The following NPAS3 variants were observed in gnomAD, a reference collection of about 807,000 sequenced individuals.
NPAS3 encodes the protein neuronal PAS domain protein 3.
Under a neutral mutation model 73.1 loss-of-function variants are expected in NPAS3, and 14 were observed. The ratio of observed to expected loss-of-function variants is 0.19; its 90% CI spans 0.13 to 0.30. The LOEUF (loss-of-function observed/expected upper bound fraction) is 0.30, where lower values mean the gene tolerates loss of function less well. Ranked by LOEUF, NPAS3 falls within the 10% of genes least tolerant of loss-of-function variation. The pLI, the probability that NPAS3 is intolerant of heterozygous loss-of-function variation, is 1.00. For missense variants in NPAS3, 1,096 were observed against 1,250.0 expected (o/e 0.88, Z 1.86); for synonymous variants, 620 against 541.5 (o/e 1.14, Z -2.01).
intron 6 of NPAS3, among the ~76,000 whole-genome samples, chr14:33,695,825 C>A (rs185950013): frequency 6.6e-6 from 1 of 152,078 alleles, no homozygotes; most frequent in Non-Finnish European, 1.5e-5. Flanking sequence ...TTCAAAATGA[C>A]CTAAAACTTT....
At chr14:33,213,423 T>G (rs2047109843) in intron 2 of NPAS3, among the ~76,000 whole-genome samples, 1 of 152,238 alleles carries the variant, frequency 6.6e-6, no homozygotes, top group African/African-American at 2.4e-5. Context: ...AAGTTACTTT[T>G]ATTCTGTAAA....
chr14:33,735,134 A>C, intron 6 of NPAS3, 80 bp from the exon 7 acceptor site: 1 of 940,292 alleles, frequency 1.1e-6, no homozygotes, highest in Non-Finnish European at 1.7e-6. Context: ...TAGTGAACTC[A>C]AGGATTGCAC....
At chr14:33,168,084 G>A (rs758653133) in intron 2 of NPAS3, among the ~76,000 whole-genome samples, 10 of 151,628 alleles carry the variant, frequency 6.6e-5, no homozygotes, top group Non-Finnish European at 1.2e-4. Flanking sequence ...ACTGATTTCC[G>A]GGCTCTCTGA....
chr14:33,339,297 A>G (rs778308424), intron 3 of NPAS3, among the ~76,000 whole-genome samples: 20 of 152,168 alleles, frequency 1.3e-4, no homozygotes, highest in Non-Finnish European at 2.9e-4. Context: ...GATGACAATT[A>G]TAGGACCTTA....
intron 1 of NPAS3, among the ~76,000 whole-genome samples, chr14:32,980,858 T>C (rs949842770): frequency 3.3e-5 from 5 of 152,196 alleles, no homozygotes; most frequent in Non-Finnish European, 7.3e-5. Context: ...TCTTGAAAGA[T>C]GATACAGGCC....
At chr14:33,683,002 C>T (rs2059982332) in intron 6 of NPAS3, among the ~76,000 whole-genome samples, 1 of 152,144 alleles carries the variant, frequency 6.6e-6, no homozygotes, top group Admixed American at 6.5e-5. Flanking sequence ...CCCTTTTGTT[C>T]CCAGAGAAGA....
At chr14:33,646,472 T>G (rs2140210006) in intron 5 of NPAS3, among the ~76,000 whole-genome samples, 1 of 152,304 alleles carries the variant, frequency 6.6e-6, no homozygotes, top group South Asian at 2.1e-4. Context: ...ATCAAAATAA[T>G]GTAGTCATAG....
At chr14:33,581,866 G>T (rs2056678053) in intron 5 of NPAS3, among the ~76,000 whole-genome samples, 1 of 152,160 alleles carries the variant, frequency 6.6e-6, no homozygotes, top group African/African-American at 2.4e-5. Flanking sequence ...GAGCCACCAT[G>T]CCCAGCCACC....
At chr14:33,746,913 G>T (rs1467343655) in intron 7 of NPAS3, among the ~76,000 whole-genome samples, 1 of 106,744 alleles carries the variant, frequency 9.4e-6, no homozygotes, top group Non-Finnish European at 1.8e-5. Context: ...CCCCACCACA[G>T]TCCCCAGAGT....
chr14:33,520,889 CTAGA>C (rs1228175419), intron 4 of NPAS3, among the ~76,000 whole-genome samples: 1 of 152,124 alleles, frequency 6.6e-6, no homozygotes, highest in Non-Finnish European at 1.5e-5. Flanking sequence ...CTGAATGCTG[CTAGA>C]TAGTCATTTA....
At chr14:33,232,978 G>A (rs2047906998) in intron 3 of NPAS3, among the ~76,000 whole-genome samples, 1 of 152,136 alleles carries the variant, frequency 6.6e-6, no homozygotes, top group Non-Finnish European at 1.5e-5. Context: ...TACCCCATAT[G>A]TATAACAAAC....
chr14:33,625,184 A>T (rs1173497778), intron 5 of NPAS3, among the ~76,000 whole-genome samples: 1 of 152,228 alleles, frequency 6.6e-6, no homozygotes. Flanking sequence ...TAAATTTTAA[A>T]ATGGGAATAA....
intron 4 of NPAS3, among the ~76,000 whole-genome samples, chr14:33,387,543 C>G (rs1566856725): frequency 1.3e-5 from 2 of 152,076 alleles, no homozygotes; most frequent in Non-Finnish European, 2.9e-5. Context: ...AGGTTCCTGT[C>G]CTTATTCACC....
At chr14:33,087,221 GTATAATATATATTA>G (rs1198832921) in intron 2 of NPAS3, among the ~76,000 whole-genome samples, 941 of 91,738 alleles carry the variant, frequency 0.01, 10 homozygotes, top group Non-Finnish European at 0.013. Context: ...TATTATTATT[GTATAATATATATTA>G]TACAATATTG....
intron 3 of NPAS3, among the ~76,000 whole-genome samples, chr14:33,352,581 G>A (rs1032312142): frequency 1.3e-5 from 2 of 152,052 alleles, no homozygotes; most frequent in African/African-American, 4.8e-5. Flanking sequence ...TAAATGCCAG[G>A]GCTGTTATTT....
intron 3 of NPAS3, among the ~76,000 whole-genome samples, chr14:33,366,585 A>G: frequency 6.6e-6 from 1 of 152,190 alleles, no homozygotes. Flanking sequence ...TCAGTCCTAT[A>G]GGAATAGTTT....
intron 2 of NPAS3, among the ~76,000 whole-genome samples, chr14:33,171,273 A>G (rs1178886761): frequency 6.6e-6 from 1 of 152,204 alleles, no homozygotes; most frequent in Non-Finnish European, 1.5e-5. Context: ...TAAACATTGT[A>G]CCATCATCCA....
At chr14:33,502,493 T>C (rs2052566238) in intron 4 of NPAS3, among the ~76,000 whole-genome samples, 1 of 151,946 alleles carries the variant, frequency 6.6e-6, no homozygotes, top group Non-Finnish European at 1.5e-5. Context: ...GTAGTCTTAG[T>C]TGTATCTTTG....
chr14:33,087,216 T>TATA (rs1410490075), intron 2 of NPAS3, among the ~76,000 whole-genome samples: 1 of 103,340 alleles, frequency 9.7e-6, no homozygotes, highest in South Asian at 2.8e-4. Context: ...AGTATTATTA[T>TATA]TATTGTATAA....
Sources: allele counts gnomAD v4.1 joint callset (sites outside exome capture counted in the v4.1 genomes callset), GRCh38; gene constraint gnomAD v4.1.1; transcripts MANE v1.5; gene names NCBI Gene and HGNC (gene_info 2026-07-23, HGNC 2026-07-21).